The following BANF2 variants were observed in gnomAD, a reference collection of about 807,000 sequenced individuals.
The protein encoded by BANF2 is BANF family member 2.
BANF2 carries 4 observed loss-of-function variants against 8.0 expected under a neutral mutation model. That is an observed-to-expected ratio of 0.50 (90% CI 0.25 to 1.14). BANF2 has a LOEUF of 1.14. BANF2 is among the 50% of genes most tolerant of loss of function. The pLI is 0.16. For synonymous variants in BANF2, 50 were observed against 40.6 expected, an observed-to-expected ratio of 1.23 and a Z score of -0.88; for missense variants, 96 against 107.5, an observed-to-expected ratio of 0.89 and a Z score of 0.47.
At chr20:17,728,239 G>T (rs2037838863) in intron 3 of BANF2, among the ~76,000 whole-genome samples, 1 of 152,168 alleles carries the variant, frequency 6.6e-6, no homozygotes, top group South Asian at 2.1e-4. Context: ...GCTTGTGACG[G>T]CGTTCCTGGC....
At chr20:17,717,928 A>G (rs2037679186) in intron 1 of BANF2, among the ~76,000 whole-genome samples, 1 of 152,236 alleles carries the variant, frequency 6.6e-6, no homozygotes, top group South Asian at 2.1e-4. Flanking sequence ...ACAGTTTCTC[A>G]GCAAGAAAAT....
chr20:17,730,142 G>A lies in BANF2; in HGVS notation c.126+4991G>A, dbSNP rs114324885. 1.5e-3 allele frequency among the ~76,000 whole-genome samples: 232 copies of A among 152,350 alleles called. 4 individuals are homozygous for A. Among genetic ancestry groups the A allele is most frequent in the African/African-American group, 5.3e-3 (221 of 41,572 alleles). ...AAGCAACACTTGGCATTTGCTTCAT[G>A]TCAAGCACCTCTAAGTGCATTATGT... On this transcript the variant is annotated intron_variant, in intron 3 of 3. Transcript: ENST00000246090.
chr20:17,721,938 G>T (rs1281954497), intron 1 of BANF2, among the ~76,000 whole-genome samples: 1 of 152,218 alleles, frequency 6.6e-6, no homozygotes, highest in Non-Finnish European at 1.5e-5. Flanking sequence ...GGGCAGTTGT[G>T]TGCATGGCAG....
chr20:17,703,456 G>A (rs145066761), intron 1 of BANF2, among the ~76,000 whole-genome samples: 14 of 152,352 alleles, frequency 9.2e-5, no homozygotes, highest in Admixed American at 2.0e-4. Flanking sequence ...GAGGAAAGGC[G>A]GTCATGGCCC....
In BANF2 at chr20:17,735,868, C is replaced by T. The variant is rs925871793; in HGVS notation, c.*57C>T. The T allele has an allele frequency of 3.1e-5, 49 of 1,555,748 alleles. No homozygotes were observed. The African/African-American group carries it at 4.9e-4, about 16-fold the overall frequency. ...TCTGGGGAAAATGACGCCTTCTCCA[C>T]CTATGCCCAGGCTCCGAGTCCTCAT... On this transcript the variant is annotated 3_prime_UTR_variant, in exon 4 of 4. Transcript: ENST00000246090.
intron 1 of BANF2, among the ~76,000 whole-genome samples, chr20:17,716,060 A>G (rs1357607798): frequency 6.6e-6 from 1 of 151,908 alleles, no homozygotes; most frequent in Admixed American, 6.6e-5. Context: ...AAAGTGACTC[A>G]TGTGGCCCAA....
chr20:17,700,269 G>A (rs1407366327), intron 1 of BANF2, among the ~76,000 whole-genome samples: 3 of 152,156 alleles, frequency 2.0e-5, no homozygotes, highest in African/African-American at 7.2e-5. Context: ...CACCATCTGC[G>A]GGAGGTGGTA....
chr20:17,707,117 C>G (rs2037492089), intron 1 of BANF2, among the ~76,000 whole-genome samples: 1 of 152,132 alleles, frequency 6.6e-6, no homozygotes, highest in East Asian at 1.9e-4. Flanking sequence ...GGCGCAGTGG[C>G]TCACGCCTGT....
chr20:17,713,776 A>G (rs1423361215), intron 1 of BANF2, among the ~76,000 whole-genome samples: 1 of 152,170 alleles, frequency 6.6e-6, no homozygotes, highest in African/African-American at 2.4e-5. Context: ...TCGAGACTGC[A>G]GTGAGCTATA....
intron 1 of BANF2, among the ~76,000 whole-genome samples, chr20:17,717,190 C>CAG (rs1368036386): frequency 6.6e-6 from 1 of 152,152 alleles, no homozygotes; most frequent in East Asian, 1.9e-4. Context: ...TCCATCAGTG[C>CAG]AGAGGTCCCA....
chr20:17,731,759 GAAAAAAAA>G (rs58645809), intron 3 of BANF2, among the ~76,000 whole-genome samples: 25 of 95,036 alleles, frequency 2.6e-4, no homozygotes, highest in African/African-American at 1.0e-3. Context: ...CGTCTCTTAG[GAAAAAAAA>G]AAAAAAAAAA....
chr20:17,728,139 A>G (rs947339108), intron 3 of BANF2, among the ~76,000 whole-genome samples: 1 of 152,102 alleles, frequency 6.6e-6, no homozygotes, highest in Non-Finnish European at 1.5e-5. Context: ...AGGTGCAGCC[A>G]TCACCCTCCC....
intron 2 of BANF2, among the ~76,000 whole-genome samples, 160 bp from the exon 3 acceptor site, chr20:17,724,863 A>C (rs1229094714): frequency 6.6e-6 from 1 of 152,162 alleles, no homozygotes; most frequent in Non-Finnish European, 1.5e-5. Context: ...AGGCCAGTGC[A>C]CCTGCATTTA....
At chr20:17,719,888 C>T (rs765963345) in intron 1 of BANF2, among the ~76,000 whole-genome samples, 18 of 152,150 alleles carry the variant, frequency 1.2e-4, no homozygotes, top group Non-Finnish European at 2.4e-4. Context: ...CAGATCCCCC[C>T]GCAAAGGCCC....
intron 1 of BANF2, among the ~76,000 whole-genome samples, chr20:17,718,197 C>T (rs930003927): frequency 6.8e-6 from 1 of 147,270 alleles, no homozygotes; most frequent in African/African-American, 2.5e-5. Flanking sequence ...TAGAGGTGTT[C>T]GTTTGTTTGT....
upstream of BANF2, among the ~76,000 whole-genome samples, chr20:17,695,393 C>T (rs1190244887): frequency 7.1e-6 from 1 of 140,924 alleles, no homozygotes; most frequent in African/African-American, 2.7e-5. Flanking sequence ...CTGTAGTAAG[C>T]CATGTTCACA....
chr20:17,700,661 C>A (rs900622955), intron 1 of BANF2, among the ~76,000 whole-genome samples: 9 of 152,116 alleles, frequency 5.9e-5, no homozygotes, highest in African/African-American at 2.2e-4. Flanking sequence ...GATTAGAACA[C>A]CAGGAAAGTG....
At chr20:17,724,320 C>CT in intron 2 of BANF2, among the ~76,000 whole-genome samples, 1 of 152,154 alleles carries the variant, frequency 6.6e-6, no homozygotes, top group Non-Finnish European at 1.5e-5. Flanking sequence ...ATTTATCTGG[C>CT]TAAAGTTAGA....
chr20:17,729,547 G>A (rs997492137), intron 3 of BANF2, among the ~76,000 whole-genome samples: 46 of 152,162 alleles, frequency 3.0e-4, no homozygotes, highest in African/African-American at 1.1e-3. Flanking sequence ...GACCAGCCTG[G>A]CCAAGGTGGT....
Sources: allele counts gnomAD v4.1 joint callset (sites outside exome capture counted in the v4.1 genomes callset), GRCh38; gene constraint gnomAD v4.1.1; transcripts MANE v1.5; gene names NCBI Gene and HGNC (gene_info 2026-07-23, HGNC 2026-07-21).